DYNC2H1: variants seen among roughly 807,000 people sequenced by gnomAD.
The protein encoded by DYNC2H1 is cytoplasmic dynein 2 heavy chain 1.
Under a neutral mutation model 570.0 loss-of-function variants are expected in DYNC2H1, and 410 were observed. The ratio of observed to expected loss-of-function variants is 0.72; its 90% CI spans 0.66 to 0.78. DYNC2H1 has a LOEUF of 0.78. Among genes scored for constraint, DYNC2H1 ranks in the 30% least tolerant of loss-of-function variants. The probability of loss-of-function intolerance (pLI) is 0.00; values close to 1 mark genes in which losing one functional copy is unlikely to be tolerated. For missense variants in DYNC2H1, 4,865 were observed against 5,046.4 expected (o/e 0.96, Z 1.09); for synonymous variants, 1,688 against 1,677.6 (o/e 1.01, Z -0.15).
chr11:103,182,279 T>A (rs1454366975), intron 40 of DYNC2H1, among the ~76,000 whole-genome samples: 1 of 150,332 alleles, frequency 6.7e-6, no homozygotes, highest in South Asian at 2.1e-4. Context: ...TATACACCTA[T>A]ATATACACAC....
chr11:103,220,846 T>C, intron 57 of DYNC2H1, 63 bp downstream of exon 57: 1 of 1,465,956 alleles, frequency 6.8e-7, no homozygotes, highest in Non-Finnish European at 9.2e-7. Flanking sequence ...TTTCGTAGTT[T>C]TAAATATTTC....
At chr11:103,394,760 C>T (rs1339788807) in intron 83 of DYNC2H1, among the ~76,000 whole-genome samples, 1 of 151,998 alleles carries the variant, frequency 6.6e-6, no homozygotes, top group Middle Eastern at 3.2e-3. Context: ...TGTGGATACC[C>T]TGTGCTATGG....
At chr11:103,309,168 A>ATTTTCTTTTTTTTTTTTTTTTTTTT (rs1867444722) in intron 78 of DYNC2H1, among the ~76,000 whole-genome samples, 1 of 54,620 alleles carries the variant, frequency 1.8e-5, no homozygotes, top group Non-Finnish European at 3.4e-5. Flanking sequence ...ACTGCATGCT[A>ATTTTCTTTTTTTTTTTTTTTTTTTT]TTTTTTTTTT....
intron 17 of DYNC2H1, among the ~76,000 whole-genome samples, chr11:103,140,741 A>G (rs1250004946): frequency 6.6e-6 from 1 of 152,100 alleles, no homozygotes; most frequent in East Asian, 1.9e-4. Context: ...CCTGAATCTG[A>G]ATGTTGGCCT....
At chr11:103,141,246 T>C (rs1477858169) in intron 17 of DYNC2H1, among the ~76,000 whole-genome samples, 3 of 152,238 alleles carry the variant, frequency 2.0e-5, no homozygotes, top group Admixed American at 2.0e-4. Flanking sequence ...CCGTTACTGG[T>C]GAGGAACTGC....
In DYNC2H1 at chr11:103,215,807, G is replaced by T; in HGVS notation, c.8781G>T (p.Thr2927=). The T allele has an allele frequency of 6.2e-7, 1 of 1,612,528 alleles. No individual in the cohort carries two copies. Among genetic ancestry groups the T allele is most frequent in the Non-Finnish European group, 8.5e-7 (1 of 1,179,166 alleles). Residue 2927 remains threonine (T), a synonymous_variant, in exon 55 of 89, where the codon ACG becomes ACT. Coordinates refer to ENST00000375735, the MANE Select transcript of DYNC2H1 (RefSeq NM_001377.3). The part of the protein sequence containing the change: ...KAGEQSVLLK[T]KQDEADAALQ... ...GAGAACAAAGTGTGTTACTTAAAAC[G>T]AAGCAAGATGAAGCAGATGCTGCCC...
intron 20 of DYNC2H1, 126 bp from the exon 21 acceptor site, chr11:103,152,010 T>C (rs1860572482): frequency 9.2e-7 from 1 of 1,091,846 alleles, no homozygotes; most frequent in Non-Finnish European, 1.3e-6. Context: ...TTTAACAAAC[T>C]GTTTAAATGC....
intron 79 of DYNC2H1, among the ~76,000 whole-genome samples, chr11:103,313,555 A>C (rs1867691296): frequency 6.6e-6 from 1 of 152,142 alleles, no homozygotes; most frequent in African/African-American, 2.4e-5. Flanking sequence ...TGCCATGTCA[A>C]AACAAGAGCA....
intron 17 of DYNC2H1, among the ~76,000 whole-genome samples, chr11:103,142,174 G>A (rs1859981551): frequency 6.6e-6 from 1 of 152,272 alleles, no homozygotes; most frequent in South Asian, 2.1e-4. Flanking sequence ...GTGAGGCAAT[G>A]CCTCGCCCTG....
chr11:103,300,231 T>C (rs1343198482), intron 75 of DYNC2H1, among the ~76,000 whole-genome samples: 1 of 152,064 alleles, frequency 6.6e-6, no homozygotes, highest in Non-Finnish European at 1.5e-5. Flanking sequence ...CTCAGTATTG[T>C]ATTTGCATAA....
rs1858006109 is a variant in DYNC2H1, at chr11:103,109,524, G to A, written c.-51G>A. On this transcript the variant is annotated 5_prime_UTR_variant, in exon 1 of 89. Transcript: ENST00000375735. ...TCTTCCCTTCACTTCCCTCCGGACT[G>A]GTTTCTTCTTCCTTCCCCCTTCCCC... 6.5e-7 allele frequency: 1 copy of A among 1,545,256 alleles called. No homozygotes were observed. The highest frequency in any genetic ancestry group is 8.8e-7 in the Non-Finnish European group (1 of 1,130,132).
intron 88 of DYNC2H1, among the ~76,000 whole-genome samples, chr11:103,470,931 A>C (rs1373593629): frequency 6.6e-6 from 1 of 152,164 alleles, no homozygotes; most frequent in Non-Finnish European, 1.5e-5. Flanking sequence ...GTATATACCC[A>C]GTAATGGGAT....
Position 103,158,893 on chromosome 11 carries a change from G to A in DYNC2H1, c.4261-17G>A. On this transcript the variant is annotated splice_polypyrimidine_tract_variant and intron_variant, in intron 27 of 88. Coordinates refer to ENST00000375735, the MANE Select transcript of DYNC2H1 (RefSeq NM_001377.3). ...TCTGAAAAAAAGAAAGCTATTTTTT[G>A]TTTCTATTTTTATTAGGAAAAACGC... 6.4e-7 allele frequency: 1 copy of A among 1,573,124 alleles called. No homozygotes were observed.
chr11:103,207,701 T>C (rs1862995364), intron 52 of DYNC2H1, among the ~76,000 whole-genome samples: 1 of 152,064 alleles, frequency 6.6e-6, no homozygotes, highest in Admixed American at 6.6e-5. Flanking sequence ...TTGAGGTTAG[T>C]GATCATGGAG....
chr11:103,431,265 G>A (rs1344752245), intron 84 of DYNC2H1, among the ~76,000 whole-genome samples: 1 of 147,876 alleles, frequency 6.8e-6, no homozygotes, highest in Non-Finnish European at 1.5e-5. Context: ...CTTACTGTAA[G>A]CCTTAATGTC....
chr11:103,413,904 A>AT (rs1943182731), intron 84 of DYNC2H1, among the ~76,000 whole-genome samples: 2 of 152,194 alleles, frequency 1.3e-5, no homozygotes, highest in East Asian at 3.8e-4. Flanking sequence ...TTAGCAAGAG[A>AT]TTTTAACTTC....
intron 5 of DYNC2H1, 96 bp from the exon 6 acceptor site, chr11:103,117,535 G>T: frequency 1.9e-6 from 2 of 1,038,494 alleles, no homozygotes; most frequent in South Asian, 2.4e-5. Context: ...TGGCTAATTT[G>T]TATATTTTAA....
intron 70 of DYNC2H1, among the ~76,000 whole-genome samples, chr11:103,272,314 A>G (rs1452028878): frequency 2.0e-5 from 3 of 152,192 alleles, no homozygotes; most frequent in African/African-American, 7.2e-5. Context: ...TGAGCAAACT[A>G]TCGCAGGGAC....
chr11:103,441,110 C>CTCTCTGCTTT (rs1415337575), intron 85 of DYNC2H1, among the ~76,000 whole-genome samples: 1 of 152,112 alleles, frequency 6.6e-6, no homozygotes, highest in African/African-American at 2.4e-5. Flanking sequence ...GCCCCATTAT[C>CTCTCTGCTTT]TCTCTGCTTT....
Sources: allele counts gnomAD v4.1 joint callset (sites outside exome capture counted in the v4.1 genomes callset), GRCh38; gene constraint gnomAD v4.1.1; transcripts MANE v1.5; gene names NCBI Gene and HGNC (gene_info 2026-07-23, HGNC 2026-07-21).